CACNA2D1: variants seen among roughly 807,000 people sequenced by gnomAD.
The protein encoded by CACNA2D1 is voltage-dependent calcium channel subunit alpha-2/delta-1.
In CACNA2D1, 53 loss-of-function variants were observed where a neutral mutation model predicts 171.5. The ratio of observed to expected loss-of-function variants is 0.31; its 90% confidence interval spans 0.25 to 0.39. The LOEUF (loss-of-function observed/expected upper bound fraction) is 0.39, where lower values mean the gene tolerates loss of function less well. CACNA2D1 is among the 10% of genes least tolerant of loss of function. The pLI is 1.00. For missense variants in CACNA2D1, 903 were observed against 1,299.8 expected, an observed-to-expected ratio of 0.69 and a Z score of 4.69; for synonymous variants, 442 against 443.1, an observed-to-expected ratio of 1.00 and a Z score of 0.03.
intron 3 of CACNA2D1, among the ~76,000 whole-genome samples, chr7:82,184,561 T>C (rs1797474674): frequency 6.6e-6 from 1 of 152,164 alleles, no homozygotes; most frequent in Non-Finnish European, 1.5e-5. Context: ...TTATCAAAGA[T>C]TCTTTCAATA....
chr7:82,278,552 T>C (rs1475960547), intron 3 of CACNA2D1, among the ~76,000 whole-genome samples: 5 of 113,998 alleles, frequency 4.4e-5, no homozygotes, highest in Admixed American at 9.1e-5. Context: ...AGTGAGACTC[T>C]GTCTTAAAAA....
intron 3 of CACNA2D1, among the ~76,000 whole-genome samples, chr7:82,331,085 A>G (rs1336714375): frequency 1.3e-5 from 2 of 152,154 alleles, no homozygotes; most frequent in African/African-American, 4.8e-5. Flanking sequence ...ACTGGCAAAC[A>G]TTACTTATTA....
At chr7:82,332,811 G>A (rs929844704) in intron 3 of CACNA2D1, among the ~76,000 whole-genome samples, 1 of 152,234 alleles carries the variant, frequency 6.6e-6, no homozygotes, top group Middle Eastern at 3.4e-3. Flanking sequence ...GCTTGCCTGG[G>A]CAACATAGGG....
At chr7:82,185,269 T>C (rs913735568) in intron 3 of CACNA2D1, among the ~76,000 whole-genome samples, 1 of 150,938 alleles carries the variant, frequency 6.6e-6, no homozygotes, top group Non-Finnish European at 1.5e-5. Flanking sequence ...ACATCTGGTA[T>C]TTTTTTTGTC....
At chr7:82,237,261 C>T (rs1803694172) in intron 3 of CACNA2D1, among the ~76,000 whole-genome samples, 1 of 130,934 alleles carries the variant, frequency 7.6e-6, no homozygotes, top group Non-Finnish European at 1.9e-5. Flanking sequence ...AATCATTTTC[C>T]CCCTGACATT....
chr7:82,127,068 A>C (rs1790408122), intron 5 of CACNA2D1, among the ~76,000 whole-genome samples: 1 of 152,210 alleles, frequency 6.6e-6, no homozygotes, highest in African/African-American at 2.4e-5. Flanking sequence ...ACTTGTAGTA[A>C]TTACAGACAA....
At chr7:82,211,689 G>T (rs1480757544) in intron 3 of CACNA2D1, among the ~76,000 whole-genome samples, 2 of 151,986 alleles carry the variant, frequency 1.3e-5, no homozygotes, top group Non-Finnish European at 2.9e-5. Context: ...TGTGTTTTTT[G>T]GCCAGAATGA....
intron 3 of CACNA2D1, among the ~76,000 whole-genome samples, chr7:82,289,746 G>A (rs999582576): frequency 6.6e-6 from 1 of 152,154 alleles, no homozygotes; most frequent in East Asian, 1.9e-4. Context: ...CTTTTTAAAC[G>A]TGACTGAAAA....
chr7:82,418,238 G>T (rs902732731), intron 1 of CACNA2D1, among the ~76,000 whole-genome samples: 1 of 152,084 alleles, frequency 6.6e-6, no homozygotes, highest in African/African-American at 2.4e-5. Flanking sequence ...CATTAGAATA[G>T]GATGGGAGAA....
chr7:82,411,296 G>A (rs1346968083), intron 1 of CACNA2D1, among the ~76,000 whole-genome samples: 1 of 152,138 alleles, frequency 6.6e-6, no homozygotes, highest in African/African-American at 2.4e-5. Context: ...TTATAGCCCT[G>A]CCCCACTATT....
At chr7:82,181,901 A>T (rs1230275489) in intron 3 of CACNA2D1, among the ~76,000 whole-genome samples, 1 of 152,226 alleles carries the variant, frequency 6.6e-6, no homozygotes, top group Non-Finnish European at 1.5e-5. Flanking sequence ...ATGTAAAGTG[A>T]CAGCATAATA....
intron 10 of CACNA2D1, chr7:82,050,647 T>G (rs1018305385): frequency 1.5e-4 from 108 of 702,626 alleles, no homozygotes; most frequent in Non-Finnish European, 2.2e-4. Flanking sequence ...CAAATAAATC[T>G]GAATAAATTG....
chr7:82,200,073 T>C (rs1273421473), intron 3 of CACNA2D1, among the ~76,000 whole-genome samples: 2 of 152,098 alleles, frequency 1.3e-5, no homozygotes, highest in Non-Finnish European at 2.9e-5. Flanking sequence ...GGGTTGGAGA[T>C]AAACTATAAT....
chr7:82,352,364 T>C (rs1174877550), intron 1 of CACNA2D1, among the ~76,000 whole-genome samples: 1 of 152,188 alleles, frequency 6.6e-6, no homozygotes, highest in African/African-American at 2.4e-5. Context: ...TATCAATCTT[T>C]CTCTTTCTTG....
rs573726863 is a variant in CACNA2D1 at position 82,309,679 on chromosome 7, T to C, written c.294+25456A>G. The stretch of plus-strand genomic sequence containing the variant: ...TCTTTGGTTTTGAGCCTCTGGATGC[T>C]GGAGTCTGGAGAAGTGGCCATAGTA... On this transcript the variant is annotated intron_variant, in intron 3 of 38. Coordinates refer to ENST00000356860, the MANE Select transcript of CACNA2D1 (RefSeq NM_000722.4). 1.5e-4 allele frequency among the ~76,000 whole-genome samples: 23 copies of C among 152,314 alleles called. No individual in the cohort carries two copies. The South Asian group carries it at 1.7e-3, about 11-fold the overall frequency.
chr7:82,120,839 C>A (rs1316868977), intron 5 of CACNA2D1, among the ~76,000 whole-genome samples: 1 of 142,796 alleles, frequency 7.0e-6, no homozygotes, highest in Non-Finnish European at 1.5e-5. Context: ...TGCACCACTG[C>A]ACTCCAGTCT....
intron 10 of CACNA2D1, among the ~76,000 whole-genome samples, chr7:82,040,951 G>A (rs917938747): frequency 6.6e-6 from 1 of 151,838 alleles, no homozygotes; most frequent in African/African-American, 2.4e-5. Context: ...CTCCAGCCTG[G>A]GCAACAAGAG....
intron 12 of CACNA2D1, among the ~76,000 whole-genome samples, chr7:82,016,252 AT>A (rs1187819713): frequency 6.6e-6 from 1 of 152,138 alleles, no homozygotes; most frequent in Non-Finnish European, 1.5e-5. Flanking sequence ...TGATAATTCA[AT>A]TTAAATGCCA....
chr7:82,120,416 C>A (rs1318108946), intron 5 of CACNA2D1, among the ~76,000 whole-genome samples: 1 of 152,086 alleles, frequency 6.6e-6, no homozygotes, highest in Non-Finnish European at 1.5e-5. Flanking sequence ...GATTACTATC[C>A]TCAATATCAA....
Sources: allele counts gnomAD v4.1 joint callset (sites outside exome capture counted in the v4.1 genomes callset), GRCh38; gene constraint gnomAD v4.1.1; transcripts MANE v1.5; gene names NCBI Gene and HGNC (gene_info 2026-07-23, HGNC 2026-07-21).